The following FGF12 variants were observed in gnomAD, a reference collection of about 807,000 sequenced individuals.
FGF12 encodes fibroblast growth factor 12.
A neutral mutation model predicts 23.6 loss-of-function variants in FGF12; 14 were observed. That is an observed-to-expected ratio of 0.59 (90% CI 0.39 to 0.93). FGF12 has a LOEUF of 0.93. Ranked by LOEUF, FGF12 falls within the 40% of genes least tolerant of loss-of-function variation. The pLI is 0.00. For synonymous variants in FGF12, 62 were observed against 77.3 expected (o/e 0.80, Z 1.04); for missense variants, 175 against 217.8 (o/e 0.80, Z 1.24).
chr3:192,357,045 T>C (rs1179443113), intron 3 of FGF12, among the ~76,000 whole-genome samples: 1 of 152,206 alleles, frequency 6.6e-6, no homozygotes, highest in Non-Finnish European at 1.5e-5. Context: ...CTGTAAATAA[T>C]ATTCACTAGT....
At chr3:192,643,748 T>C (rs890361623) in intron 2 of FGF12, among the ~76,000 whole-genome samples, 3 of 152,182 alleles carry the variant, frequency 2.0e-5, no homozygotes, top group Non-Finnish European at 2.9e-5. Flanking sequence ...TTATAAATAG[T>C]ATATACATTT....
intron 5 of FGF12, among the ~76,000 whole-genome samples, chr3:192,146,587 C>T (rs1713736446): frequency 6.6e-6 from 1 of 152,120 alleles, no homozygotes; most frequent in African/African-American, 2.4e-5. Flanking sequence ...ATATTTTTAT[C>T]ACTTTTTAAG....
chr3:192,593,472 A>T (rs1436322901), intron 2 of FGF12, among the ~76,000 whole-genome samples: 2 of 151,910 alleles, frequency 1.3e-5, no homozygotes, highest in Non-Finnish European at 2.9e-5. Context: ...CACCCATTGG[A>T]ACATAAACTC....
chr3:192,541,427 G>A (rs1247472321), intron 2 of FGF12, among the ~76,000 whole-genome samples: 2 of 152,002 alleles, frequency 1.3e-5, no homozygotes, highest in Non-Finnish European at 2.9e-5. Flanking sequence ...TATTTTAATT[G>A]TGTCCCCCAC....
At chr3:192,571,535 T>G (rs1368115522) in intron 2 of FGF12, among the ~76,000 whole-genome samples, 1 of 152,158 alleles carries the variant, frequency 6.6e-6, no homozygotes, top group African/African-American at 2.4e-5. Context: ...GTCCAGACTT[T>G]CCATCCGAGA....
intron 2 of FGF12, among the ~76,000 whole-genome samples, chr3:192,437,387 G>A (rs1297077021): frequency 1.3e-5 from 2 of 152,144 alleles, no homozygotes; most frequent in Non-Finnish European, 2.9e-5. Flanking sequence ...GGAAGTCAGT[G>A]GAATGTGTAA....
intron 2 of FGF12, among the ~76,000 whole-genome samples, chr3:192,389,436 GA>G (rs1720199382): frequency 6.6e-6 from 1 of 152,180 alleles, no homozygotes; most frequent in South Asian, 2.1e-4. Context: ...TCCTCAAGGG[GA>G]AAGTTGGGAA....
intron 2 of FGF12, among the ~76,000 whole-genome samples, chr3:192,448,598 A>G (rs58354254): frequency 0.057 from 8,620 of 152,238 alleles, 816 homozygotes; most frequent in African/African-American, 0.19. Flanking sequence ...CTATGCTTCA[A>G]TTCTAAGTTA....
chr3:192,195,220 T>C (rs1717003007), intron 4 of FGF12, among the ~76,000 whole-genome samples: 1 of 152,224 alleles, frequency 6.6e-6, no homozygotes, highest in South Asian at 2.1e-4. Flanking sequence ...TTATTTTTCA[T>C]GAGGATTTTA....
At chr3:192,554,999 A>G (rs1030214155) in intron 2 of FGF12, among the ~76,000 whole-genome samples, 9 of 152,150 alleles carry the variant, frequency 5.9e-5, no homozygotes, top group African/African-American at 2.2e-4. Flanking sequence ...AAAGAATAAA[A>G]GAATGAAAAA....
intron 3 of FGF12, among the ~76,000 whole-genome samples, chr3:192,348,340 A>G (rs143774574): frequency 2.3e-3 from 349 of 152,288 alleles, no homozygotes; most frequent in South Asian, 9.3e-3. Context: ...TGAATAATAC[A>G]TGAAAATATA....
At chr3:192,377,393 C>A (rs562000762) in intron 2 of FGF12, among the ~76,000 whole-genome samples, 1 of 152,318 alleles carries the variant, frequency 6.6e-6, no homozygotes, top group South Asian at 2.1e-4. Flanking sequence ...TTTTCTGGCA[C>A]ATAGAGATTT....
At chr3:192,657,545 T>C (rs959123478) in intron 2 of FGF12, among the ~76,000 whole-genome samples, 1 of 152,076 alleles carries the variant, frequency 6.6e-6, no homozygotes, top group Non-Finnish European at 1.5e-5. Flanking sequence ...AGCTTCTGGG[T>C]ATCAATTTTA....
intron 2 of FGF12, among the ~76,000 whole-genome samples, chr3:192,589,146 C>A (rs1233730363): frequency 6.6e-6 from 1 of 151,670 alleles, no homozygotes; most frequent in African/African-American, 2.4e-5. Context: ...ACCATCCTGG[C>A]CAACATAGTG....
chr3:192,444,039 G>T (rs1168929981), intron 2 of FGF12, among the ~76,000 whole-genome samples: 1 of 152,142 alleles, frequency 6.6e-6, no homozygotes, highest in Non-Finnish European at 1.5e-5. Flanking sequence ...TCCCTATAGT[G>T]CCATAATAAA....
In FGF12 at chr3:192,345,843, A is replaced by T. The variant is rs564323720; in HGVS notation, c.125-10379T>A. On this transcript the variant is annotated intron_variant, in intron 3 of 5. Coordinates refer to ENST00000445105, the MANE Select transcript of FGF12 (RefSeq NM_004113.6). ...AACCATCCTGCTCAAAAGGTAAAAAATCTTTAGTTTTTCTTAGATAAAATT... is the reference window on the plus strand; with the variant it reads ...AACCATCCTGCTCAAAAGGTAAAAATTCTTTAGTTTTTCTTAGATAAAATT... Among the ~76,000 whole-genome samples, 16 of 152,300 alleles carry T rather than the reference A, an allele frequency of 1.1e-4. No homozygotes were observed. The South Asian group carries it at 3.1e-3, about 30-fold the overall frequency.
chr3:192,561,643 T>C (rs1190112809), intron 2 of FGF12, among the ~76,000 whole-genome samples: 4 of 152,210 alleles, frequency 2.6e-5, no homozygotes, highest in Non-Finnish European at 5.9e-5. Flanking sequence ...ATTACAGGCG[T>C]GAGCCACCGT....
At chr3:192,162,203 G>T (rs1048085411) in intron 5 of FGF12, among the ~76,000 whole-genome samples, 33 of 152,090 alleles carry the variant, frequency 2.2e-4, no homozygotes, top group Non-Finnish European at 1.5e-5. Context: ...AAGGGTGTGG[G>T]AAATTTACCT....
At chr3:192,237,346 G>T (rs555527096) in intron 4 of FGF12, among the ~76,000 whole-genome samples, 1 of 152,190 alleles carries the variant, frequency 6.6e-6, no homozygotes, top group Non-Finnish European at 1.5e-5. Flanking sequence ...TTTTGCAGGG[G>T]TTCTCTGAAT....
Sources: gnomAD v4.1 joint callset for allele counts (sites outside exome capture counted in the v4.1 genomes callset) on GRCh38, gnomAD v4.1.1 for gene constraint, MANE v1.5 for transcripts, NCBI Gene and HGNC (gene_info 2026-07-23, HGNC 2026-07-21) for gene names.